Variants in CACNG2 observed in about 807,000 individuals in gnomAD.
CACNG2 encodes the protein calcium voltage-gated channel auxiliary subunit gamma 2.
A neutral mutation model predicts 25.9 loss-of-function variants in CACNG2; 3 were observed. The ratio of observed to expected loss-of-function variants is 0.12; its 90% confidence interval spans 0.05 to 0.30. The LOEUF is 0.30. Ranked by LOEUF, CACNG2 falls within the 10% of genes least tolerant of loss-of-function variation. CACNG2 has a pLI of 1.00. For synonymous variants in CACNG2, 167 were observed against 173.3 expected (o/e 0.96, Z 0.29); for missense variants, 341 against 432.5 (o/e 0.79, Z 1.88).
intron 2 of CACNG2, among the ~76,000 whole-genome samples, chr22:36,567,006 G>T (rs1935138191): frequency 6.6e-6 from 1 of 152,120 alleles, no homozygotes; most frequent in African/African-American, 2.4e-5. Context: ...TGCACTTTGG[G>T]GCCCTTGGGC....
intron 1 of CACNG2, among the ~76,000 whole-genome samples, chr22:36,678,057 A>G (rs1023243749): frequency 5.3e-5 from 8 of 152,192 alleles, no homozygotes; most frequent in Non-Finnish European, 1.0e-4. Flanking sequence ...AGAGATGCCA[A>G]TGGTCGCAAA....
intron 1 of CACNG2, among the ~76,000 whole-genome samples, chr22:36,588,833 TA>T (rs1006841423): frequency 6.6e-6 from 1 of 152,192 alleles, no homozygotes; most frequent in Non-Finnish European, 1.5e-5. Context: ...GCCACCAACA[TA>T]GTAGCTACTG....
At chr22:36,619,789 G>A (rs985402868) in intron 1 of CACNG2, among the ~76,000 whole-genome samples, 1 of 152,236 alleles carries the variant, frequency 6.6e-6, no homozygotes, top group Non-Finnish European at 1.5e-5. Flanking sequence ...GACACAGACT[G>A]TGACAGAGAA....
chr22:36,570,429 G>A (rs536913769), intron 2 of CACNG2, among the ~76,000 whole-genome samples: 15 of 152,194 alleles, frequency 9.9e-5, no homozygotes, highest in Non-Finnish European at 5.9e-5. Flanking sequence ...CCAGCCCCAA[G>A]CTCTGGCCTT....
chr22:36,575,818 G>A (rs984172227), intron 2 of CACNG2, among the ~76,000 whole-genome samples: 31 of 152,152 alleles, frequency 2.0e-4, no homozygotes, highest in African/African-American at 6.3e-4. Context: ...GGTATGTAGC[G>A]GGCAGGTTCC....
chr22:36,662,775 T>A (rs1936818648), intron 1 of CACNG2, among the ~76,000 whole-genome samples: 1 of 152,192 alleles, frequency 6.6e-6, no homozygotes. Flanking sequence ...AAACACTCTT[T>A]CGTTCAGTTT....
rs1603500251 is a variant in CACNG2 at position 36,567,276 on chromosome 22, A to G, written c.296-783T>C. Among the ~76,000 whole-genome samples the G allele has an allele frequency of 2.0e-5, 3 of 152,320 alleles. No individual in the cohort carries two copies. The South Asian group carries it at 6.2e-4, about 32-fold the overall frequency. On this transcript the variant is annotated intron_variant, in intron 2 of 3. Coordinates refer to ENST00000300105, the MANE Select transcript of CACNG2 (RefSeq NM_006078.5). ...CATTCAATGCATGATATTATAATAA[A>G]TATTTGTGTATACATATGCTTCCAC...
chr22:36,635,400 A>G (rs1174463148), intron 1 of CACNG2, among the ~76,000 whole-genome samples: 1 of 152,218 alleles, frequency 6.6e-6, no homozygotes, highest in Admixed American at 6.5e-5. Context: ...CATGTTAGTA[A>G]TGTCAGCTAC....
At chr22:36,701,586 G>A (rs1009406040) in intron 1 of CACNG2, among the ~76,000 whole-genome samples, 16 of 124,018 alleles carry the variant, frequency 1.3e-4, no homozygotes, top group Admixed American at 1.1e-3. Flanking sequence ...TTCTCAAGCC[G>A]GCTGCAATGC....
chr22:36,645,772 G>C (rs1936514195), intron 1 of CACNG2, among the ~76,000 whole-genome samples: 1 of 152,000 alleles, frequency 6.6e-6, no homozygotes, highest in Admixed American at 6.6e-5. Flanking sequence ...TGCACATAAA[G>C]GGTTTCTTCT....
rs188084283 is a variant in CACNG2 at position 36,668,345 on chromosome 22, G to T, written c.211+34021C>A. ...TGAGCCAATAGAATATATATAGAGAGATATAAGCGGAGACTTATTACAGGA... is the reference window on the plus strand; with the variant it reads ...TGAGCCAATAGAATATATATAGAGATATATAAGCGGAGACTTATTACAGGA... On this transcript the variant is annotated intron_variant, in intron 1 of 3. Coordinates refer to ENST00000300105, the MANE Select transcript of CACNG2 (RefSeq NM_006078.5). Among the ~76,000 whole-genome samples the T allele has an allele frequency of 3.5e-3, 526 of 152,350 alleles. 1 individual carries two copies. The highest frequency in any genetic ancestry group is 0.012 in the African/African-American group (509 of 41,568).
At chr22:36,659,226 G>A (rs1232085076) in intron 1 of CACNG2, among the ~76,000 whole-genome samples, 2 of 152,108 alleles carry the variant, frequency 1.3e-5, no homozygotes, top group Non-Finnish European at 2.9e-5. Flanking sequence ...TTGTGGGTGA[G>A]GGCCTGGGCA....
In CACNG2 at chr22:36,667,137, C is replaced by G. The variant is rs1187390157; in HGVS notation, c.211+35229G>C. Among the ~76,000 whole-genome samples the G allele has an allele frequency of 2.6e-5, 4 of 152,206 alleles. No homozygotes were observed. In the East Asian group the frequency reaches 7.7e-4, roughly 29 times the overall value. On this transcript the variant is annotated intron_variant, in intron 1 of 3. Coordinates refer to ENST00000300105, the MANE Select transcript of CACNG2 (RefSeq NM_006078.5). ...CCTGAGTAGCTGAGATTATAGGCAC[C>G]TGCCATGACCCGTGGCTAAGACGGG...
intron 1 of CACNG2, among the ~76,000 whole-genome samples, chr22:36,616,750 G>C (rs879540283): frequency 1.3e-5 from 2 of 152,066 alleles, no homozygotes; most frequent in Non-Finnish European, 2.9e-5. Context: ...CCTTTCTCAG[G>C]ACCTATTTGA....
intron 1 of CACNG2, among the ~76,000 whole-genome samples, chr22:36,651,224 CTTTTTTTTTTTT>C (rs11411019): frequency 6.0e-5 from 5 of 83,114 alleles, no homozygotes; most frequent in Non-Finnish European, 8.6e-5. Context: ...CTTCTTCCTC[CTTTTTTTTTTTT>C]TTTTTTTTTT....
chr22:36,603,883 A>G (rs1935793052), intron 1 of CACNG2, among the ~76,000 whole-genome samples: 1 of 152,206 alleles, frequency 6.6e-6, no homozygotes, highest in African/African-American at 2.4e-5. Flanking sequence ...TGCTAACACA[A>G]CATCTATTTT....
intron 1 of CACNG2, among the ~76,000 whole-genome samples, chr22:36,668,856 A>T (rs1936909676): frequency 6.6e-6 from 1 of 152,084 alleles, no homozygotes; most frequent in Admixed American, 6.6e-5. Flanking sequence ...CACCCATGTC[A>T]GAGGGCAGGA....
At chr22:36,583,412 G>A (rs1482628174) in intron 2 of CACNG2, among the ~76,000 whole-genome samples, 2 of 148,498 alleles carry the variant, frequency 1.3e-5, no homozygotes, top group Non-Finnish European at 3.0e-5. Context: ...CAGCCTGGGT[G>A]ACAGAGCAAG....
chr22:36,594,513 G>A (rs947159427), intron 1 of CACNG2, among the ~76,000 whole-genome samples: 4 of 152,196 alleles, frequency 2.6e-5, no homozygotes, highest in Non-Finnish European at 4.4e-5. Flanking sequence ...TAGAGGATGT[G>A]TGTGATGACA....
Sources: gnomAD v4.1 joint callset for allele counts (sites outside exome capture counted in the v4.1 genomes callset) on GRCh38, gnomAD v4.1.1 for gene constraint, MANE v1.5 for transcripts, NCBI Gene and HGNC (gene_info 2026-07-23, HGNC 2026-07-21) for gene names.